GRM7: variants seen among roughly 807,000 people sequenced by gnomAD.
GRM7 encodes glutamate metabotropic receptor 7.
In GRM7, 35 loss-of-function variants were observed where a neutral mutation model predicts 84.5. The observed-to-expected ratio is 0.41, with a 90% confidence interval of 0.32 to 0.55. The LOEUF (loss-of-function observed/expected upper bound fraction) is 0.55, where lower values mean the gene tolerates loss of function less well. Among genes scored for constraint, GRM7 ranks in the 20% least tolerant of loss-of-function variants. GRM7 has a pLI of 0.19. For synonymous variants in GRM7, 487 were observed against 455.1 expected (o/e 1.07, Z -0.89); for missense variants, 1,003 against 1,194.6 (o/e 0.84, Z 2.36).
intron 4 of GRM7, among the ~76,000 whole-genome samples, chr3:7,347,566 G>A (rs1473140760): frequency 2.6e-5 from 4 of 152,218 alleles, no homozygotes; most frequent in African/African-American, 7.2e-5. Flanking sequence ...ACTCACTGAC[G>A]ACCACAGTAT....
At chr3:7,386,333 C>T (rs190138245) in intron 4 of GRM7, among the ~76,000 whole-genome samples, 59 of 152,088 alleles carry the variant, frequency 3.9e-4, no homozygotes, top group African/African-American at 1.3e-3. Flanking sequence ...GGGTATATTA[C>T]GTGATGCTTA....
At position 7,151,204 on chromosome 3, in the gene GRM7, C is replaced by G. The variant is rs908196150; in HGVS notation, c.736+4536C>G. Among the ~76,000 whole-genome samples the G allele has an allele frequency of 2.0e-5, 3 of 151,994 alleles. No individual in the cohort carries two copies. Among genetic ancestry groups the G allele is most frequent in the Non-Finnish European group, 2.9e-5 (2 of 67,984 alleles). On this transcript the variant is annotated intron_variant, in intron 2 of 9. Coordinates refer to ENST00000357716, the MANE Select transcript of GRM7 (RefSeq NM_000844.4). The surrounding 1 kb of genome is among the most constrained non-coding windows in gnomAD (Gnocchi z 4.5). ...GGAAGATTTGATTAACTGTTATTAA[C>G]TGTTATTCAGCCTTCAGTTTTTTAG...
chr3:7,031,510 G>A (rs188562355), intron 1 of GRM7, among the ~76,000 whole-genome samples: 4,758 of 151,742 alleles, frequency 0.031, 269 homozygotes, highest in African/African-American at 0.11. Flanking sequence ...TCCGCCTCCC[G>A]GGTTCATGCC....
chr3:6,914,384 C>T (rs1696871909), intron 1 of GRM7, among the ~76,000 whole-genome samples: 1 of 152,084 alleles, frequency 6.6e-6, no homozygotes, highest in African/African-American at 2.4e-5. Flanking sequence ...GCTATTTTCA[C>T]AATAGCTTTC....
intron 1 of GRM7, among the ~76,000 whole-genome samples, chr3:6,915,411 G>A (rs917511997): frequency 6.6e-6 from 1 of 152,078 alleles, no homozygotes; most frequent in Non-Finnish European, 1.5e-5. Flanking sequence ...TAAATATTGA[G>A]TTTTTACGGT....
At chr3:7,347,810 C>CCAGCACATAT (rs1393683688) in intron 4 of GRM7, among the ~76,000 whole-genome samples, 1 of 152,162 alleles carries the variant, frequency 6.6e-6, no homozygotes, top group African/African-American at 2.4e-5. Flanking sequence ...TGTTTCTTCT[C>CCAGCACATAT]CAGCACATAT....
intron 9 of GRM7, among the ~76,000 whole-genome samples, chr3:7,700,210 G>A (rs162209): frequency 0.46 from 70,570 of 151,924 alleles, 17,243 homozygotes; most frequent in East Asian, 0.8. Context: ...GCGACTCAGT[G>A]GATGTCCCTG....
chr3:7,397,114 G>A (rs1219465653), intron 4 of GRM7, among the ~76,000 whole-genome samples: 1 of 152,040 alleles, frequency 6.6e-6, no homozygotes, highest in Non-Finnish European at 1.5e-5. Flanking sequence ...CATTCTGATT[G>A]TTAATAATGG....
At chr3:7,497,146 A>G (rs772046646) in intron 7 of GRM7, among the ~76,000 whole-genome samples, 5 of 151,988 alleles carry the variant, frequency 3.3e-5, no homozygotes, top group African/African-American at 4.8e-5. Context: ...TCTCTTGGTC[A>G]TGAAGTGGCC....
At chr3:7,032,804 A>G (rs1224059842) in intron 1 of GRM7, among the ~76,000 whole-genome samples, 1 of 152,212 alleles carries the variant, frequency 6.6e-6, no homozygotes, top group Non-Finnish European at 1.5e-5. Context: ...ATTAGAATCT[A>G]CTATGTAACA....
intron 1 of GRM7, among the ~76,000 whole-genome samples, chr3:6,917,679 A>C (rs1411794927): frequency 6.6e-6 from 1 of 152,210 alleles, no homozygotes; most frequent in African/African-American, 2.4e-5. Flanking sequence ...TCAGGAAAGT[A>C]TTTCTCCTGT....
rs1574908513 is a variant in GRM7 at position 7,103,705 on chromosome 3, C to G, written c.520-42747C>G. On this transcript the variant is annotated intron_variant, in intron 1 of 9. Coordinates refer to ENST00000357716, the MANE Select transcript of GRM7 (RefSeq NM_000844.4). ...TTTACAGTGTTACTGTGTACTAATG[C>G]TTAGTCTTATTTTGTTTTCTCTCTT... Among the ~76,000 whole-genome samples, 3 of 151,440 alleles carry G rather than the reference C, an allele frequency of 2.0e-5. No individual in the cohort carries two copies. The South Asian group carries it at 6.2e-4, about 31-fold the overall frequency.
At chr3:7,415,192 A>G (rs777495105) in intron 5 of GRM7, 29 bp downstream of exon 5, 22 of 1,598,744 alleles carry the variant, frequency 1.4e-5, no homozygotes, top group South Asian at 2.2e-5. Flanking sequence ...TCCTTCTCCT[A>G]TTACTCTACG....
intron 1 of GRM7, among the ~76,000 whole-genome samples, chr3:7,031,914 T>A (rs1696199283): frequency 1.3e-5 from 2 of 150,998 alleles, no homozygotes; most frequent in Admixed American, 1.3e-4. Context: ...CCAAGAAAAA[T>A]CAACTATGAA....
chr3:7,378,913 T>A (rs1295523599), intron 4 of GRM7, among the ~76,000 whole-genome samples: 1 of 152,158 alleles, frequency 6.6e-6, no homozygotes, highest in East Asian at 1.9e-4. Flanking sequence ...GAATCAACAA[T>A]GTCATGCAAT....
chr3:6,975,037 C>G (rs1469471210), intron 1 of GRM7, among the ~76,000 whole-genome samples: 1 of 152,010 alleles, frequency 6.6e-6, no homozygotes. Context: ...ACTAAACAAG[C>G]AAAGGGTGTG....
At chr3:7,565,677 G>T (rs73116062) in intron 7 of GRM7, among the ~76,000 whole-genome samples, 307 of 152,258 alleles carry the variant, frequency 2.0e-3, no homozygotes, top group Non-Finnish European at 2.8e-3. Flanking sequence ...GATATTAACC[G>T]AAAGGATGAC....
At chr3:7,716,874 G>C (rs1000026229) in intron 9 of GRM7, among the ~76,000 whole-genome samples, 1 of 152,082 alleles carries the variant, frequency 6.6e-6, no homozygotes, top group African/African-American at 2.4e-5. Context: ...GTTGACCTGG[G>C]GTTACCTGAA....
chr3:7,414,473 A>C (rs939770059), intron 4 of GRM7, among the ~76,000 whole-genome samples: 1 of 152,142 alleles, frequency 6.6e-6, no homozygotes. Flanking sequence ...TTATGACCCC[A>C]TACGAACATT....
Sources: gnomAD v4.1 joint callset for allele counts (sites outside exome capture counted in the v4.1 genomes callset) on GRCh38, gnomAD v4.1.1 for gene constraint, Gnocchi (gnomAD v3.1) non-coding constraint, MANE v1.5 for transcripts, NCBI Gene and HGNC (gene_info 2026-07-23, HGNC 2026-07-21) for gene names.